Variants in ATF7IP observed in about 807,000 individuals in gnomAD.
The protein encoded by ATF7IP is activating transcription factor 7-interacting protein 1.
ATF7IP carries 23 observed loss-of-function variants against 106.4 expected under a neutral mutation model. The ratio of observed to expected loss-of-function variants is 0.22; its 90% confidence interval spans 0.16 to 0.31. ATF7IP has a LOEUF of 0.31. ATF7IP is among the 10% of genes least tolerant of loss of function. The pLI, the probability that ATF7IP is intolerant of heterozygous loss-of-function variation, is 1.00. For synonymous variants in ATF7IP, 542 were observed against 539.0 expected (o/e 1.01, Z -0.08); for missense variants, 1,334 against 1,524.3 (o/e 0.88, Z 2.08).
intron 5 of ATF7IP, among the ~76,000 whole-genome samples, 191 bp downstream of exon 5, chr12:14,438,458 T>TA (rs1365347272): frequency 2.0e-5 from 3 of 152,202 alleles, no homozygotes; most frequent in Non-Finnish European, 4.4e-5. Context: ...ACAGTAGAAA[T>TA]ATTCTGTCTC....
intron 1 of ATF7IP, chr12:14,419,215 T>C (rs1043337744): frequency 6.6e-6 from 1 of 152,100 alleles, no homozygotes; most frequent in Admixed American, 6.5e-5. Flanking sequence ...GAAATTGATG[T>C]TAGGTAATTT....
At chr12:14,448,727 A>G (rs755258381) in intron 6 of ATF7IP, among the ~76,000 whole-genome samples, 1 of 152,156 alleles carries the variant, frequency 6.6e-6, no homozygotes, top group Non-Finnish European at 1.5e-5. Flanking sequence ...AGGAGCCCCC[A>G]TTCTGTTCTT....
At chr12:14,440,324 A>G (rs1476131123) in intron 5 of ATF7IP, among the ~76,000 whole-genome samples, 1 of 152,196 alleles carries the variant, frequency 6.6e-6, no homozygotes, top group African/African-American at 2.4e-5. Context: ...GCATTGTACT[A>G]ATTTTTCTAA....
At chr12:14,400,196 G>A (rs12296296) in intron 1 of ATF7IP, among the ~76,000 whole-genome samples, 172 of 152,196 alleles carry the variant, frequency 1.1e-3, no homozygotes, top group Non-Finnish European at 2.0e-3. Context: ...TGTAAGTGAG[G>A]TACTTTTAAC....
At chr12:14,487,543 T>C (rs11055996) in intron 13 of ATF7IP, among the ~76,000 whole-genome samples, 46,730 of 152,070 alleles carry the variant, frequency 0.31, 8,340 homozygotes, top group Admixed American at 0.45. Flanking sequence ...GCAGCATGGA[T>C]CAGGGAGGGT....
chr12:14,471,198 T>G (rs1944029019), intron 10 of ATF7IP, among the ~76,000 whole-genome samples: 1 of 152,232 alleles, frequency 6.6e-6, no homozygotes, highest in South Asian at 2.1e-4. Flanking sequence ...TAAAGCCCCA[T>G]CTATGGTATA....
intron 9 of ATF7IP, among the ~76,000 whole-genome samples, chr12:14,462,359 T>C (rs1227073763): frequency 6.6e-6 from 1 of 152,036 alleles, no homozygotes; most frequent in African/African-American, 2.4e-5. Flanking sequence ...ATAGTTTATT[T>C]TTCTGTAACT....
chr12:14,460,381 CTT>C, intron 8 of ATF7IP, 112 bp from the exon 9 acceptor site: 4 of 1,061,190 alleles, frequency 3.8e-6, no homozygotes, highest in Admixed American at 2.6e-5. Flanking sequence ...TGATAAAAGA[CTT>C]TACAGTCTTT....
At chr12:14,407,595 G>T (rs1368054027) in intron 1 of ATF7IP, among the ~76,000 whole-genome samples, 2 of 152,084 alleles carry the variant, frequency 1.3e-5, no homozygotes, top group Non-Finnish European at 2.9e-5. Context: ...AATGCATTCT[G>T]TTATCTGGGT....
chr12:14,422,527 T>C (rs1941590183), intron 1 of ATF7IP, among the ~76,000 whole-genome samples: 1 of 152,138 alleles, frequency 6.6e-6, no homozygotes, highest in African/African-American at 2.4e-5. Flanking sequence ...TGTAAAGAAA[T>C]CCTGTACCCT....
intron 9 of ATF7IP, among the ~76,000 whole-genome samples, chr12:14,463,067 T>TATAATTTAAC (rs1371234392): frequency 6.6e-6 from 1 of 152,090 alleles, no homozygotes; most frequent in African/African-American, 2.4e-5. Flanking sequence ...ATTTCAGCAG[T>TATAATTTAAC]GCCATAAATG....
intron 8 of ATF7IP, among the ~76,000 whole-genome samples, chr12:14,458,638 C>T (rs143995626): frequency 2.0e-5 from 3 of 152,174 alleles, no homozygotes; most frequent in African/African-American, 7.2e-5. Flanking sequence ...GCCGGGGCAA[C>T]ATAGTGAAAC....
At chr12:14,493,740 A>G (rs1944905328) in intron 13 of ATF7IP, among the ~76,000 whole-genome samples, 1 of 152,130 alleles carries the variant, frequency 6.6e-6, no homozygotes, top group African/African-American at 2.4e-5. Context: ...CTGTGCATGT[A>G]TCTTTCATTG....
At chr12:14,398,386 A>AT (rs1312061001) in intron 1 of ATF7IP, among the ~76,000 whole-genome samples, 20 of 125,468 alleles carry the variant, frequency 1.6e-4, no homozygotes, top group Non-Finnish European at 3.5e-4. Context: ...TACATCTAAA[A>AT]GTTTTTTTTT....
At chr12:14,438,997 G>T (rs1565512754) in intron 5 of ATF7IP, among the ~76,000 whole-genome samples, 1 of 151,990 alleles carries the variant, frequency 6.6e-6, no homozygotes, top group Admixed American at 6.6e-5. Flanking sequence ...TCCTTTCGTG[G>T]ACCTTATGTT....
rs780713683 is a variant in ATF7IP, at chr12:14,456,504, T to TA, written c.1996-54dup. On this transcript the variant is annotated intron_variant, in intron 6 of 14. Transcript: ENST00000261168. ...GGCATCTACAGGTCTAATTTTTTTT[T>TA]AAAGATTCCCTGTGTGTTGAGTTTT... The TA allele has an allele frequency of 5.6e-4, 717 of 1,276,474 alleles. 3 individuals are homozygous for TA. Among genetic ancestry groups the TA allele is most frequent in the Non-Finnish European group, 4.9e-4 (434 of 886,128 alleles). 79.1% of individuals were successfully genotyped at this position (1,276,474 alleles called of 1,614,324 possible).
chr12:14,419,172 G>A (rs913029082), intron 1 of ATF7IP: 2 of 152,070 alleles, frequency 1.3e-5, no homozygotes, highest in Admixed American at 6.5e-5. Context: ...ACAGGTGTTG[G>A]TATTAGTCCC....
At chr12:14,389,697 GGCTCA>G (rs1939440820) in intron 1 of ATF7IP, among the ~76,000 whole-genome samples, 1 of 151,902 alleles carries the variant, frequency 6.6e-6, no homozygotes, top group South Asian at 2.1e-4. Flanking sequence ...GCGCGATCTC[GGCTCA>G]CCGCAACCTC....
At chr12:14,454,302 G>A (rs1943338223) in intron 6 of ATF7IP, among the ~76,000 whole-genome samples, 1 of 152,128 alleles carries the variant, frequency 6.6e-6, no homozygotes, top group South Asian at 2.1e-4. Context: ...TTGGCAAGCT[G>A]TTGTATTAGT....
Sources: gnomAD v4.1 joint callset for allele counts (sites outside exome capture counted in the v4.1 genomes callset) on GRCh38, gnomAD v4.1.1 for gene constraint, MANE v1.5 for transcripts, NCBI Gene and HGNC (gene_info 2026-07-23, HGNC 2026-07-21) for gene names.